Variants in TMEM202 observed in about 807,000 individuals in gnomAD.
TMEM202 encodes transmembrane protein 202.
In TMEM202, 25 loss-of-function variants were observed where a neutral mutation model predicts 26.1. That is an observed-to-expected ratio of 0.96 (90% CI 0.70 to 1.34). TMEM202 has a LOEUF of 1.34. TMEM202 is among the 40% of genes most tolerant of loss of function. The pLI is 0.00. For synonymous variants in TMEM202, 122 were observed against 119.0 expected, an observed-to-expected ratio of 1.02 and a Z score of -0.16; for missense variants, 301 against 327.7, an observed-to-expected ratio of 0.92 and a Z score of 0.63.
intron 1 of TMEM202, 106 bp from the exon 2 acceptor site, chr15:72,398,547 C>T (rs2063532333): frequency 6.9e-7 from 1 of 1,453,428 alleles, no homozygotes; most frequent in Non-Finnish European, 9.3e-7. Flanking sequence ...GGAAAAATAT[C>T]TATAAATCAA....
At chr15:72,399,050 C>T in intron 2 of TMEM202, 142 bp downstream of exon 2, 1 of 938,698 alleles carries the variant, frequency 1.1e-6, no homozygotes, top group Admixed American at 2.6e-5. Flanking sequence ...TCTTTGGTAT[C>T]CTCAGTGTGC....
At chr15:72,401,931 T>C (rs1047332768) in intron 2 of TMEM202, among the ~76,000 whole-genome samples, 1 of 152,152 alleles carries the variant, frequency 6.6e-6, no homozygotes, top group Non-Finnish European at 1.5e-5. Context: ...GACAATATAA[T>C]GTTATTATTG....
At position 72,398,730 on chromosome 15, in the gene TMEM202, C is replaced by T; in HGVS notation, c.159C>T (p.His53=). ...QRQQQLMDQA[H]IYIRTLCGSL... is the part of the protein sequence containing the mutation. ...AGCAGCAGCTTATGGATCAGGCACA[C>T]ATCTACATCCGAACGCTCTGTGGCA... Residue 53 remains histidine (H), a synonymous_variant, in exon 2 of 5, where the codon CAC becomes CAT. Transcript: ENST00000341689. 6.2e-7 allele frequency: 1 copy of T among 1,614,198 alleles called. No individual in the cohort carries two copies. Among genetic ancestry groups the T allele is most frequent in the Non-Finnish European group, 8.5e-7 (1 of 1,180,042 alleles).
At chr15:72,404,102 T>C (rs1482810200) in intron 2 of TMEM202, among the ~76,000 whole-genome samples, 3 of 151,954 alleles carry the variant, frequency 2.0e-5, no homozygotes, top group Non-Finnish European at 4.4e-5. Flanking sequence ...AGCTAAAGAG[T>C]GAACTTATTT....
intron 2 of TMEM202, among the ~76,000 whole-genome samples, chr15:72,402,151 A>G (rs1221689207): frequency 6.6e-6 from 1 of 152,042 alleles, no homozygotes; most frequent in Non-Finnish European, 1.5e-5. Context: ...TTTTTAGTAG[A>G]GATGGGGTTT....
rs560938596 is a variant in TMEM202, at chr15:72,398,893, A to G, written c.322A>G (p.Thr108Ala). ...LCNHELCWSH[T>A]PKPPYYLQYS... ...CAACCATGAGCTGTGCTGGAGCCAC[A>G]CACCCAAGCCACCCTGTGAGTGCCA... Residue 108 changes from threonine (T) to alanine (A), a missense_variant, in exon 2 of 5, where the codon ACA (threonine) becomes GCA (alanine). Thr to Ala is a moderately conservative substitution (Grantham distance 58, BLOSUM62 0). Transcript: ENST00000341689. The G allele has an allele frequency of 2.5e-6, 4 of 1,606,240 alleles. No individual in the cohort carries two copies. Among genetic ancestry groups the G allele is most frequent in the East Asian group, 2.2e-5 (1 of 44,634 alleles).
At position 72,407,121 on chromosome 15, in the gene TMEM202, G is replaced by A. The variant is rs200986530; in HGVS notation, c.523G>A (p.Ala175Thr). Residue 175 changes from alanine (A) to threonine (T), a missense_variant, in exon 4 of 5, where the codon GCA becomes ACA. Physicochemically the swap from Ala to Thr is moderately conservative, Grantham distance 58. Transcript: ENST00000341689. ...GCTCCTCTGCCTCAACCTGTTTGTG[G>A]CACAGGTTCACTGGCATACTAGGGA... Reference protein sequence around the residue: ...CLLLCLNLFVAQVHWHTRDAM... With the variant: ...CLLLCLNLFVTQVHWHTRDAM... 60 of 1,612,912 alleles carry A rather than the reference G, an allele frequency of 3.7e-5. No homozygotes were observed. The East Asian group carries it at 1.2e-3, about 34-fold the overall frequency.
intron 2 of TMEM202, among the ~76,000 whole-genome samples, chr15:72,403,990 G>A (rs559720167): frequency 1.3e-5 from 2 of 152,188 alleles, no homozygotes; most frequent in Non-Finnish European, 2.9e-5. Flanking sequence ...CCTCATGGTA[G>A]AAGAGGAACT....
chr15:72,401,294 C>T (rs2063546430), intron 2 of TMEM202, among the ~76,000 whole-genome samples: 1 of 152,112 alleles, frequency 6.6e-6, no homozygotes, highest in Non-Finnish European at 1.5e-5. Context: ...CCTCTGATAT[C>T]AGCACTTTGG....
chr15:72,401,174 C>A (rs1223823630), intron 2 of TMEM202, among the ~76,000 whole-genome samples: 1 of 152,130 alleles, frequency 6.6e-6, no homozygotes, highest in Non-Finnish European at 1.5e-5. Flanking sequence ...TGCTGACCTC[C>A]TATCATTCAG....
intron 2 of TMEM202, among the ~76,000 whole-genome samples, chr15:72,402,556 G>C (rs2063552667): frequency 6.6e-6 from 1 of 152,166 alleles, no homozygotes; most frequent in African/African-American, 2.4e-5. Context: ...GGATGGGGAG[G>C]AAAGGACAGT....
intron 2 of TMEM202, 101 bp downstream of exon 2, chr15:72,399,009 C>T (rs2063535517): frequency 3.6e-6 from 5 of 1,395,168 alleles, no homozygotes; most frequent in Non-Finnish European, 4.9e-6. Flanking sequence ...GATCTTTTGG[C>T]CTTCACCTCT....
intron 2 of TMEM202, among the ~76,000 whole-genome samples, chr15:72,403,146 C>T (rs778027969): frequency 6.6e-6 from 1 of 152,104 alleles, no homozygotes; most frequent in Non-Finnish European, 1.5e-5. Flanking sequence ...AAATGGTGAA[C>T]GTTCTCATTT....
chr15:72,399,185 C>T (rs1304935753), intron 2 of TMEM202, among the ~76,000 whole-genome samples: 2 of 152,180 alleles, frequency 1.3e-5, no homozygotes, highest in Admixed American at 6.5e-5. Context: ...AACGCCTAGC[C>T]GAAGTGCAAA....
intron 2 of TMEM202, among the ~76,000 whole-genome samples, chr15:72,405,855 T>C (rs1464034468): frequency 6.6e-6 from 1 of 151,990 alleles, no homozygotes; most frequent in Admixed American, 6.6e-5. Context: ...CCAGGCATGG[T>C]GGCATGTGCC....
rs1450423036 is a variant in TMEM202 at position 72,398,913 on chromosome 15, G to A, written c.337+5G>A. 1 of 1,597,846 alleles carries A rather than the reference G, an allele frequency of 6.3e-7. No individual in the cohort carries two copies. On this transcript the variant is annotated splice_donor_5th_base_variant and intron_variant, in intron 2 of 4. Transcript: ENST00000341689. ...GCCACACACCCAAGCCACCCTGTGAGTGCCACCGAATTAAATGCCACAGGC... is the reference window on the plus strand; with the variant it reads ...GCCACACACCCAAGCCACCCTGTGAATGCCACCGAATTAAATGCCACAGGC...
Position 72,408,217 on chromosome 15 carries a change from A to T in TMEM202, c.*324A>T, listed in dbSNP as rs1392363654. Among the ~76,000 whole-genome samples, 1 of 152,186 alleles carries T rather than the reference A, an allele frequency of 6.6e-6. No individual in the cohort carries two copies. The highest frequency in any genetic ancestry group is 1.5e-5 in the Non-Finnish European group (1 of 68,026). The stretch of plus-strand genomic sequence containing the variant: ...TCTCATGGACCAGAATGGCCCGTGG[A>T]GAAGAATGTTAATTACTTCTGTTTG... On this transcript the variant is annotated 3_prime_UTR_variant, in exon 5 of 5. Coordinates refer to ENST00000341689, the MANE Select transcript of TMEM202 (RefSeq NM_001080462.3).
chr15:72,406,236 T>C (rs944788178), intron 2 of TMEM202, among the ~76,000 whole-genome samples: 5 of 152,154 alleles, frequency 3.3e-5, no homozygotes, highest in Admixed American at 6.6e-5. Context: ...GGTAGTCAAA[T>C]TGTGGCTAAT....
rs555208476 is a variant in TMEM202 at position 72,401,914 on chromosome 15, T to C, written c.337+3006T>C. Among the ~76,000 whole-genome samples, 6 of 152,290 alleles carry C rather than the reference T, an allele frequency of 3.9e-5. No homozygotes were observed. In the South Asian group the frequency reaches 1.2e-3, roughly 32 times the overall value. On this transcript the variant is annotated intron_variant, in intron 2 of 4. Coordinates refer to ENST00000341689, the MANE Select transcript of TMEM202 (RefSeq NM_001080462.3). ...GTAAGCAAAATGTCCAGGCCTCATC[T>C]CCCTGTGACAATATAATGTTATTAT...
Sources: gnomAD v4.1 joint callset for allele counts (sites outside exome capture counted in the v4.1 genomes callset) on GRCh38, gnomAD v4.1.1 for gene constraint, MANE v1.5 for transcripts, NCBI Gene and HGNC (gene_info 2026-07-23, HGNC 2026-07-21) for gene names.